MBNL2: variants seen among roughly 807,000 people sequenced by gnomAD.
MBNL2 encodes muscleblind like splicing regulator 2, also known as muscleblind-like protein 2.
In MBNL2, 17 loss-of-function variants were observed where a neutral mutation model predicts 41.9. That is an observed-to-expected ratio of 0.41 (90% CI 0.28 to 0.61). The LOEUF (loss-of-function observed/expected upper bound fraction) is 0.61. Ranked by LOEUF, MBNL2 falls within the 20% of genes least tolerant of loss-of-function variation. The pLI, the probability that MBNL2 is intolerant of heterozygous loss-of-function variation, is 0.35. For synonymous variants in MBNL2, 195 were observed against 182.9 expected, an observed-to-expected ratio of 1.07 and a Z score of -0.53; for missense variants, 336 against 505.6, an observed-to-expected ratio of 0.66 and a Z score of 3.22.
chr13:97,342,441 A>C (rs1387361285), intron 3 of MBNL2, among the ~76,000 whole-genome samples: 1 of 152,250 alleles, frequency 6.6e-6, no homozygotes, highest in Non-Finnish European at 1.5e-5. Flanking sequence ...GTTGAACTAC[A>C]GCAAAAAATC....
intron 3 of MBNL2, among the ~76,000 whole-genome samples, chr13:97,336,416 G>GCTT (rs1029597609): frequency 2.6e-5 from 4 of 152,152 alleles, no homozygotes; most frequent in Non-Finnish European, 5.9e-5. Flanking sequence ...GGAATCAGGG[G>GCTT]CTTGACAGAT....
intron 2 of MBNL2, among the ~76,000 whole-genome samples, chr13:97,324,717 G>A (rs1317435744): frequency 6.6e-6 from 1 of 152,148 alleles, no homozygotes; most frequent in African/African-American, 2.4e-5. Context: ...TCAAAAGTAG[G>A]GAAACCAACA....
intron 1 of MBNL2, among the ~76,000 whole-genome samples, chr13:97,271,662 A>G (rs2051057016): frequency 6.6e-6 from 1 of 151,924 alleles, no homozygotes; most frequent in Non-Finnish European, 1.5e-5. Flanking sequence ...ACTTCTACTT[A>G]TGAGTGAGAA....
At position 97,319,974 on chromosome 13, in the gene MBNL2, C is replaced by T. The variant is rs558238828; in HGVS notation, c.175-14302C>T. On this transcript the variant is annotated intron_variant, in intron 2 of 8. Transcript: ENST00000679496. ...TATTTTTGAGCAAATAGGGAGATCT[C>T]ATTACCTAAGATCATGAAAAAAATT... is the stretch of plus-strand genomic sequence containing the variant. 2.6e-5 allele frequency among the ~76,000 whole-genome samples: 4 copies of T among 152,148 alleles called. No homozygotes were observed. The South Asian group carries it at 6.2e-4, about 24-fold the overall frequency.
chr13:97,345,786 A>T (rs908583210), intron 4 of MBNL2, among the ~76,000 whole-genome samples: 2 of 102,948 alleles, frequency 1.9e-5, no homozygotes, highest in African/African-American at 7.7e-5. Flanking sequence ...TAGAGAGAGG[A>T]GGAACAAGTT....
chr13:97,281,227 C>T (rs1298454031), intron 2 of MBNL2, among the ~76,000 whole-genome samples: 1 of 152,214 alleles, frequency 6.6e-6, no homozygotes, highest in Non-Finnish European at 1.5e-5. Flanking sequence ...GTGCACTGCA[C>T]TCTAGGGGTG....
intron 2 of MBNL2, among the ~76,000 whole-genome samples, chr13:97,307,554 T>A (rs2058234411): frequency 6.6e-6 from 1 of 152,132 alleles, no homozygotes. Flanking sequence ...TTCATGTGAT[T>A]CCAGGTAAAA....
chr13:97,213,322 A>C, the MBNL2 span, among the ~76,000 whole-genome samples: 434 of 152,254 alleles, frequency 2.9e-3, 2 homozygotes, highest in Non-Finnish European at 4.8e-3. Context: ...GGAAAAAAAA[A>C]CCATTTTACC....
chr13:97,271,875 A>C (rs970935339), intron 1 of MBNL2, among the ~76,000 whole-genome samples: 1 of 152,202 alleles, frequency 6.6e-6, no homozygotes, highest in Non-Finnish European at 1.5e-5. Context: ...ATAGTGCTGC[A>C]ATAAACATAG....
the MBNL2 span, among the ~76,000 whole-genome samples, chr13:97,169,819 T>G: frequency 6.6e-6 from 1 of 152,226 alleles, no homozygotes; most frequent in Non-Finnish European, 1.5e-5. Flanking sequence ...TGAGGTGGTT[T>G]CCTGGGAGGT....
intron 3 of MBNL2, among the ~76,000 whole-genome samples, chr13:97,337,657 A>G (rs9556704): frequency 0.32 from 48,395 of 152,068 alleles, 7,857 homozygotes; most frequent in African/African-American, 0.35. Context: ...AATTTCTTAA[A>G]GGAACTTGAC....
the MBNL2 span, among the ~76,000 whole-genome samples, chr13:97,180,284 C>G: frequency 2.6e-5 from 4 of 152,128 alleles, no homozygotes; most frequent in South Asian, 6.2e-4. Context: ...GGAGGAGGAC[C>G]AAGTTTGAGG....
chr13:97,213,888 C>A, the MBNL2 span, among the ~76,000 whole-genome samples: 1 of 148,264 alleles, frequency 6.7e-6, no homozygotes, highest in Non-Finnish European at 1.5e-5. Context: ...ATTGTCATCA[C>A]ACTACAATAA....
rs888109551 is a variant in MBNL2, at chr13:97,334,735, A to G, written c.339+295A>G. Among the ~76,000 whole-genome samples, 2 of 152,224 alleles carry G rather than the reference A, an allele frequency of 1.3e-5. No individual in the cohort carries two copies. The highest frequency in any genetic ancestry group is 1.5e-5 in the Non-Finnish European group (1 of 68,040). On this transcript the variant is annotated intron_variant, in intron 3 of 8. Transcript: ENST00000679496. The surrounding 1 kb of genome is among the most constrained non-coding windows in gnomAD (Gnocchi z 5.3). ...CCATCTTAGAACGGAAATAGTTTTA[A>G]CATGTTCATTTACAGTGTGAATTAA...
chr13:97,234,761 G>T (rs60260809), intron 1 of MBNL2, among the ~76,000 whole-genome samples: 1,646 of 152,304 alleles, frequency 0.011, 41 homozygotes, highest in African/African-American at 0.036. Flanking sequence ...AACACACTCG[G>T]GCAGTGTTTA....
chr13:97,357,829 A>T, intron 7 of MBNL2, 194 bp downstream of exon 7: 1 of 646,684 alleles, frequency 1.5e-6, no homozygotes, highest in South Asian at 1.7e-5. Flanking sequence ...TTCTAAAGCC[A>T]AATATTTGAT....
Position 97,357,407 on chromosome 13 carries a change from A to G in MBNL2, c.859-75A>G, listed in dbSNP as rs7317666. The G allele has an allele frequency of 5.6e-6, 7 of 1,259,666 alleles. No individual in the cohort carries two copies. The African/African-American group carries it at 5.9e-5, about 11-fold the overall frequency. 78.0% of individuals were successfully genotyped at this position (1,259,666 alleles called of 1,614,324 possible). A position where few individuals can be genotyped will look rare whatever the true frequency, so the allele number is the denominator to read the frequency against. ...TGTCATTTTTAAAAAGAATGTTGCA[A>G]TTGATGATCTCTGTGAACATGGAAG... On this transcript the variant is annotated intron_variant, in intron 6 of 8. Transcript: ENST00000679496.
At chr13:97,168,954 G>T in the MBNL2 span, among the ~76,000 whole-genome samples, 3 of 152,124 alleles carry the variant, frequency 2.0e-5, no homozygotes, top group Non-Finnish European at 4.4e-5. Flanking sequence ...ATTTAGACAG[G>T]TTACAGAAGG....
At chr13:97,317,077 T>C (rs1382892535) in intron 2 of MBNL2, among the ~76,000 whole-genome samples, 7 of 152,036 alleles carry the variant, frequency 4.6e-5, no homozygotes, top group African/African-American at 4.8e-5. Context: ...ACAATGCCAG[T>C]GGGAACGGAA....
Sources: gnomAD v4.1 joint callset for allele counts (sites outside exome capture counted in the v4.1 genomes callset) on GRCh38, gnomAD v4.1.1 for gene constraint, Gnocchi (gnomAD v3.1) non-coding constraint, MANE v1.5 for transcripts, NCBI Gene and HGNC (gene_info 2026-07-23, HGNC 2026-07-21) for gene names.